The following BAZ2B variants were observed in gnomAD, a reference collection of about 807,000 sequenced individuals.
BAZ2B encodes bromodomain adjacent to zinc finger domain protein 2B.
Under a neutral mutation model 246.0 loss-of-function variants are expected in BAZ2B, and 91 were observed. That is an observed-to-expected ratio of 0.37 (90% CI 0.31 to 0.44). BAZ2B has a LOEUF of 0.44. Among genes scored for constraint, BAZ2B ranks in the 20% least tolerant of loss-of-function variants. BAZ2B has a pLI of 1.00. For synonymous variants in BAZ2B, 855 were observed against 860.0 expected (o/e 0.99, Z 0.10); for missense variants, 2,332 against 2,533.7 (o/e 0.92, Z 1.71).
At chr2:159,696,921 C>T in the BAZ2B span, among the ~76,000 whole-genome samples, 31 of 151,978 alleles carry the variant, frequency 2.0e-4, no homozygotes, top group African/African-American at 7.0e-4. Context: ...CAAGTAGCTG[C>T]GACTACAGGT....
At chr2:159,401,034 C>A (rs1443073575) in intron 16 of BAZ2B, among the ~76,000 whole-genome samples, 1 of 151,480 alleles carries the variant, frequency 6.6e-6, no homozygotes, top group Non-Finnish European at 1.5e-5. Context: ...CAGAGCGAGA[C>A]TCCGTCTCAA....
At chr2:159,631,944 T>C in the BAZ2B span, among the ~76,000 whole-genome samples, 1 of 152,172 alleles carries the variant, frequency 6.6e-6, no homozygotes, top group Admixed American at 6.5e-5. Flanking sequence ...ATTTCATTTT[T>C]AAAAAGAAGA....
chr2:159,370,086 C>T (rs1159691736), intron 27 of BAZ2B, among the ~76,000 whole-genome samples: 3 of 152,072 alleles, frequency 2.0e-5, no homozygotes, highest in South Asian at 2.1e-4. Context: ...AACCAAACAC[C>T]GCATGTTCTC....
In BAZ2B at chr2:159,398,902, T is replaced by C. The variant is rs757946375; in HGVS notation, c.2899-8A>G. 147 of 1,608,384 alleles carry C rather than the reference T, an allele frequency of 9.1e-5. 1 individual carries two copies. Among genetic ancestry groups the C allele is most frequent in the Middle Eastern group, 3.3e-4 (2 of 6,078 alleles). ...CTTCTTTTTCTTTTTAGCCTGTGCA[T>C]GCAAAACAGGTCTCAAAGTCATGCA... is the stretch of plus-strand genomic sequence containing the variant. On this transcript the variant is annotated splice_polypyrimidine_tract_variant and splice_region_variant and intron_variant, in intron 17 of 36. Coordinates refer to ENST00000392783, the MANE Select transcript of BAZ2B (RefSeq NM_013450.4).
At chr2:159,359,469 C>G (rs1366658544) in intron 27 of BAZ2B, among the ~76,000 whole-genome samples, 1 of 152,030 alleles carries the variant, frequency 6.6e-6, no homozygotes, top group Non-Finnish European at 1.5e-5. Context: ...AATTAATAGC[C>G]TACCAGCCAA....
intron 2 of BAZ2B, among the ~76,000 whole-genome samples, chr2:159,536,782 TAACC>T (rs2086049038): frequency 6.6e-6 from 1 of 152,132 alleles, no homozygotes; most frequent in Admixed American, 6.5e-5. Context: ...TTTTATATAA[TAACC>T]AAAGTGGATA....
Position 159,382,762 on chromosome 2 carries a change from T to G in BAZ2B, c.3802A>C (p.Thr1268Pro), listed in dbSNP as rs772097606. 1.2e-6 allele frequency: 2 copies of G among 1,613,782 alleles called. No homozygotes were observed. Residue 1268 changes from threonine to proline, a missense_variant, in exon 25 of 37, where the codon ACT becomes CCT. Physicochemically the swap from Thr to Pro is conservative, Grantham distance 38 (BLOSUM62 -1). Around this residue, in one of 9 missense-constraint regions of BAZ2B, gnomAD observed 328 missense variants for 410.4 expected, o/e 0.80. Coordinates refer to ENST00000392783, the MANE Select transcript of BAZ2B (RefSeq NM_013450.4). ...TCTCCCAGATCAATGCCACCTGAAG[T>G]GTCTCTTTTGCCTGTTTTCTTAGCA... Reference protein sequence around the residue: ...IHAKKTGKRDTSGGIDLGEEQ... With the variant: ...IHAKKTGKRDPSGGIDLGEEQ...
intron 27 of BAZ2B, among the ~76,000 whole-genome samples, chr2:159,358,337 A>C (rs1364180581): frequency 6.6e-6 from 1 of 151,998 alleles, no homozygotes; most frequent in Admixed American, 6.5e-5. Flanking sequence ...AACAGACTTT[A>C]AACCAACAAA....
At chr2:159,360,386 C>T (rs2059553598) in intron 27 of BAZ2B, among the ~76,000 whole-genome samples, 1 of 152,050 alleles carries the variant, frequency 6.6e-6, no homozygotes, top group African/African-American at 2.4e-5. Flanking sequence ...ACCTAGGAAT[C>T]CAACTTACAA....
At chr2:159,361,718 AT>A (rs750229357) in intron 27 of BAZ2B, among the ~76,000 whole-genome samples, 3 of 152,352 alleles carry the variant, frequency 2.0e-5, no homozygotes, top group Non-Finnish European at 4.4e-5. Context: ...ATGCCCATAA[AT>A]GATAGACTAG....
chr2:159,415,912 A>G (rs1576762216), intron 13 of BAZ2B, among the ~76,000 whole-genome samples: 1 of 152,196 alleles, frequency 6.6e-6, no homozygotes, highest in Non-Finnish European at 1.5e-5. Flanking sequence ...CAACATTTCT[A>G]TCTCATATGG....
At chr2:159,427,467 A>C (rs2070165644) in intron 13 of BAZ2B, among the ~76,000 whole-genome samples, 1 of 152,162 alleles carries the variant, frequency 6.6e-6, no homozygotes, top group African/African-American at 2.4e-5. Flanking sequence ...TGACAAAAAA[A>C]AACTTATCAA....
At chr2:159,586,435 C>T (rs1372777275) in intron 1 of BAZ2B, among the ~76,000 whole-genome samples, 12 of 152,070 alleles carry the variant, frequency 7.9e-5, no homozygotes, top group Non-Finnish European at 1.2e-4. Context: ...TTACTACTAA[C>T]CTTGCTACCA....
intron 2 of BAZ2B, among the ~76,000 whole-genome samples, chr2:159,515,886 GA>G (rs1451162208): frequency 6.6e-6 from 1 of 151,956 alleles, no homozygotes; most frequent in African/African-American, 2.4e-5. Context: ...ACTAAATCAA[GA>G]TAAAATTAGA....
At chr2:159,381,851 C>T (rs776502396) in intron 25 of BAZ2B, among the ~76,000 whole-genome samples, 1 of 152,168 alleles carries the variant, frequency 6.6e-6, no homozygotes, top group Non-Finnish European at 1.5e-5. Context: ...TGCTTCTGTG[C>T]CCTTGGTCAT....
intron 13 of BAZ2B, among the ~76,000 whole-genome samples, chr2:159,424,162 TTAAAAATAATATTAGCAACA>T (rs1411798301): frequency 2.8e-4 from 42 of 152,312 alleles, no homozygotes; most frequent in African/African-American, 9.6e-4. Context: ...CTTTTTTTCT[TTAAAAATAATATTAGCAACA>T]AAGAAATTCT....
chr2:159,642,915 CT>C, the BAZ2B span, among the ~76,000 whole-genome samples: 1 of 152,094 alleles, frequency 6.6e-6, no homozygotes. Flanking sequence ...TATCTTGAAA[CT>C]TTTTTGCTGT....
intron 6 of BAZ2B, among the ~76,000 whole-genome samples, chr2:159,445,979 T>C (rs2074184612): frequency 6.6e-6 from 1 of 152,056 alleles, no homozygotes; most frequent in African/African-American, 2.4e-5. Flanking sequence ...CTCGGTGTGG[T>C]AGCATGCACC....
intron 21 of BAZ2B, among the ~76,000 whole-genome samples, chr2:159,387,649 C>T (rs1276635252): frequency 6.6e-6 from 1 of 151,946 alleles, no homozygotes; most frequent in African/African-American, 2.4e-5. Context: ...TTTCTTGAAC[C>T]ACAGGAAACA....
Sources: gnomAD v4.1 joint callset for allele counts (sites outside exome capture counted in the v4.1 genomes callset) on GRCh38, gnomAD v4.1.1 for gene constraint, gnomAD v4.1.1 regional missense constraint, MANE v1.5 for transcripts, NCBI Gene and HGNC (gene_info 2026-07-23, HGNC 2026-07-21) for gene names.